CERS4: variants seen among roughly 807,000 people sequenced by gnomAD.
CERS4 encodes ceramide synthase 4, also known as LAG1 homolog, ceramide synthase 4.
In CERS4, 65 loss-of-function variants were observed where a neutral mutation model predicts 51.8. That is an observed-to-expected ratio of 1.26 (90% CI 1.03 to 1.54). The LOEUF (loss-of-function observed/expected upper bound fraction) is 1.54. Among genes scored for constraint, CERS4 ranks in the 40% most tolerant of loss-of-function variants. The pLI, the probability that CERS4 is intolerant of heterozygous loss-of-function variation, is 0.00. For missense variants in CERS4, 563 were observed against 500.4 expected, an observed-to-expected ratio of 1.13 and a Z score of -1.19; for synonymous variants, 228 against 208.4, an observed-to-expected ratio of 1.09 and a Z score of -0.81.
At position 8,249,079 on chromosome 19, in the gene CERS4, TAGAC is replaced by T. The variant is rs557012189; in HGVS notation, c.-1-1993_-1-1990del. ...AGGTGGATGATGAATAATGGGTGGA[TAGAC>T]AGATGTTTTGATGGGCGAACAGATG... is the stretch of plus-strand genomic sequence containing the variant. On this transcript the variant is annotated intron_variant, in intron 2 of 11. Transcript: ENST00000251363. 4.9e-3 allele frequency among the ~76,000 whole-genome samples: 713 copies of T among 146,258 alleles called. 6 individuals are homozygous for T. Among genetic ancestry groups the T allele is most frequent in the African/African-American group, 0.018 (685 of 37,914 alleles).
intron 2 of CERS4, among the ~76,000 whole-genome samples, chr19:8,237,001 T>TAAA (rs1968290967): frequency 1.2e-4 from 1 of 8,090 alleles, no homozygotes; most frequent in Non-Finnish European, 2.2e-4. Context: ...AGACTCTGTC[T>TAAA]CAAAAAAAAA....
chr19:8,213,720 C>T (rs1568493806), intron 2 of CERS4, among the ~76,000 whole-genome samples: 2 of 152,078 alleles, frequency 1.3e-5, no homozygotes, highest in South Asian at 2.1e-4. Context: ...AATCCCAGCA[C>T]TTTGAGAGGC....
chr19:8,211,166 G>A (rs551662312), intron 2 of CERS4, among the ~76,000 whole-genome samples: 8 of 152,244 alleles, frequency 5.3e-5, no homozygotes, highest in African/African-American at 1.9e-4. Flanking sequence ...AGGGCTGTCT[G>A]CAGGTTGAAT....
intron 2 of CERS4, chr19:8,240,659 G>A: frequency 6.6e-6 from 1 of 150,978 alleles, no homozygotes; most frequent in Non-Finnish European, 1.5e-5. Flanking sequence ...TGAATTAATT[G>A]CCTTTTTCAC....
chr19:8,218,764 G>A (rs958975978), intron 2 of CERS4, among the ~76,000 whole-genome samples: 4 of 152,136 alleles, frequency 2.6e-5, no homozygotes, highest in South Asian at 2.1e-4. Context: ...AAACACCTCC[G>A]GTCCTTAAAG....
chr19:8,217,629 C>T (rs1419859406), intron 2 of CERS4, among the ~76,000 whole-genome samples: 5 of 152,000 alleles, frequency 3.3e-5, no homozygotes, highest in South Asian at 2.1e-4. Context: ...CTCCGCCTCC[C>T]GGGTTCATGT....
chr19:8,255,991 GGA>G (rs1969359667), intron 6 of CERS4, 112 bp downstream of exon 6: 3 of 1,233,434 alleles, frequency 2.4e-6, no homozygotes, highest in Non-Finnish European at 3.5e-6. Flanking sequence ...ATGCAGCTGA[GGA>G]GAGAGCGAGC....
chr19:8,257,836 G>A (rs766939212), intron 9 of CERS4, 43 bp from the exon 10 acceptor site: 1 of 1,505,960 alleles, frequency 6.6e-7, no homozygotes, highest in African/African-American at 1.4e-5. Context: ...TTTGAGACCA[G>A]GGCCCTGGTC....
At chr19:8,247,732 C>CT (rs370855290) in intron 2 of CERS4, among the ~76,000 whole-genome samples, 7,218 of 131,058 alleles carry the variant, frequency 0.055, 264 homozygotes, top group Admixed American at 0.074. Flanking sequence ...ACCTCCGCAT[C>CT]TTTTTTTTTT....
At chr19:8,245,637 T>C (rs918489746) in intron 2 of CERS4, among the ~76,000 whole-genome samples, 2 of 151,918 alleles carry the variant, frequency 1.3e-5, no homozygotes, top group Admixed American at 6.6e-5. Flanking sequence ...CCTCCCGGGT[T>C]CAAGCAATTC....
intron 2 of CERS4, among the ~76,000 whole-genome samples, chr19:8,249,526 C>G (rs1177867760): frequency 6.6e-6 from 1 of 151,006 alleles, no homozygotes; most frequent in Non-Finnish European, 1.5e-5. Context: ...AAGAGACCCC[C>G]CTGAAATTCC....
intron 2 of CERS4, among the ~76,000 whole-genome samples, chr19:8,247,529 C>T (rs1968841527): frequency 6.6e-6 from 1 of 152,122 alleles, no homozygotes; most frequent in African/African-American, 2.4e-5. Context: ...AAGTCGTACT[C>T]CCACATCAGC....
chr19:8,236,938 G>A (rs1218862839), intron 2 of CERS4, among the ~76,000 whole-genome samples: 1 of 133,464 alleles, frequency 7.5e-6, no homozygotes, highest in Non-Finnish European at 1.5e-5. Flanking sequence ...GAGAGGTAGA[G>A]GTTGCAGTGA....
chr19:8,218,675 G>A (rs767145538), intron 2 of CERS4, among the ~76,000 whole-genome samples: 1 of 152,212 alleles, frequency 6.6e-6, no homozygotes, highest in Non-Finnish European at 1.5e-5. Context: ...GAGAGGGATG[G>A]ACTCCATCTG....
intron 2 of CERS4, among the ~76,000 whole-genome samples, chr19:8,216,788 A>C (rs1967318307): frequency 6.6e-6 from 1 of 151,990 alleles, no homozygotes; most frequent in South Asian, 2.1e-4. Flanking sequence ...CTGGGTCCTT[A>C]TGGCTGCAGC....
chr19:8,220,130 G>A (rs1385863327), intron 2 of CERS4, among the ~76,000 whole-genome samples: 1 of 151,002 alleles, frequency 6.6e-6, no homozygotes, highest in African/African-American at 2.4e-5. Flanking sequence ...GGCTCTCCTC[G>A]CCCCCTCCCA....
chr19:8,254,322 C>CCAAAAAAAAAAA, intron 3 of CERS4, among the ~76,000 whole-genome samples, 177 bp from the exon 4 acceptor site: 1 of 38,772 alleles, frequency 2.6e-5, no homozygotes, highest in Non-Finnish European at 5.2e-5. Flanking sequence ...TACTCTGTCT[C>CCAAAAAAAAAAA]AAAAAAAAAA....
At chr19:8,235,256 C>CT (rs752040976) in intron 2 of CERS4, among the ~76,000 whole-genome samples, 1 of 151,710 alleles carries the variant, frequency 6.6e-6, no homozygotes, top group Non-Finnish European at 1.5e-5. Context: ...ATCTGCCCCC[C>CT]TCAGCCTCCC....
chr19:8,217,042 G>T (rs1322503238), intron 2 of CERS4, among the ~76,000 whole-genome samples: 1 of 152,052 alleles, frequency 6.6e-6, no homozygotes, highest in Non-Finnish European at 1.5e-5. Flanking sequence ...AGGAGCTGGG[G>T]GCCAATCTGA....
Sources: allele counts gnomAD v4.1 joint callset (sites outside exome capture counted in the v4.1 genomes callset), GRCh38; gene constraint gnomAD v4.1.1; transcripts MANE v1.5; gene names NCBI Gene and HGNC (gene_info 2026-07-23, HGNC 2026-07-21).